PCDHA2: variants seen among roughly 807,000 people sequenced by gnomAD.
PCDHA2 encodes protocadherin alpha 2.
A neutral mutation model predicts 66.0 loss-of-function variants in PCDHA2; 58 were observed. The ratio of observed to expected loss-of-function variants is 0.88; its 90% CI spans 0.71 to 1.09. The LOEUF is 1.09. Among genes scored for constraint, PCDHA2 ranks in the 50% least tolerant of loss-of-function variants. The pLI is 0.00. For synonymous variants in PCDHA2, 634 were observed against 554.0 expected (o/e 1.14, Z -2.03); for missense variants, 1,267 against 1,242.3 (o/e 1.02, Z -0.30).
chr5:140,990,783 G>A (rs932115900), intron 3 of PCDHA2, among the ~76,000 whole-genome samples: 5 of 152,170 alleles, frequency 3.3e-5, no homozygotes, highest in African/African-American at 7.2e-5. Flanking sequence ...TGTGTTGGAC[G>A]ATGAACCATG....
chr5:140,862,675 G>C, intron 1 of PCDHA2: 1 of 550,422 alleles, frequency 1.8e-6, no homozygotes, highest in Non-Finnish European at 3.6e-6. Context: ...GCAGGAGAAC[G>C]TGCTGGTGTC....
intron 1 of PCDHA2, chr5:140,836,138 G>A (rs2150253717): frequency 6.2e-7 from 1 of 1,613,790 alleles, no homozygotes; most frequent in Middle Eastern, 1.6e-4. Flanking sequence ...CGCGGTCTGT[G>A]GGCGCGGGCC....
chr5:140,863,997 T>A (rs1186516549), intron 1 of PCDHA2: 1 of 152,666 alleles, frequency 6.6e-6, no homozygotes, highest in African/African-American at 2.4e-5. Context: ...TGAAACTCTG[T>A]CTTAAAAAAA....
chr5:140,865,920 G>A (rs1282584078), intron 1 of PCDHA2: 2 of 152,110 alleles, frequency 1.3e-5, no homozygotes, highest in African/African-American at 2.4e-5. Flanking sequence ...TTTCTGTTGT[G>A]CTTAGAAGAA....
rs184181496 is a variant in PCDHA2 at position 140,857,350 on chromosome 5, G to A, written c.2388+59998G>A. ...CGCGGGACGGGGGCTCGCCTCCGCTGTGGGCCACGGCCAGCGTGTCTGTGG... is the reference window on the plus strand; with the variant it reads ...CGCGGGACGGGGGCTCGCCTCCGCTATGGGCCACGGCCAGCGTGTCTGTGG... On this transcript the variant is annotated intron_variant, in intron 1 of 3. Coordinates refer to ENST00000526136, the MANE Select transcript of PCDHA2 (RefSeq NM_018905.3). 5 of 1,598,502 alleles carry A rather than the reference G, an allele frequency of 3.1e-6. 1 individual carries two copies. In the Admixed American group the frequency reaches 6.7e-5, roughly 22 times the overall value.
chr5:140,807,387 C>A (rs782494406), intron 1 of PCDHA2: 5 of 1,488,998 alleles, frequency 3.4e-6, no homozygotes, highest in African/African-American at 1.5e-5. Context: ...TTCCGGGTGG[C>A]GTCCAAGGGC....
chr5:140,938,797 G>A (rs76361474), intron 1 of PCDHA2, among the ~76,000 whole-genome samples: 2 of 151,926 alleles, frequency 1.3e-5, no homozygotes, highest in East Asian at 1.9e-4. Flanking sequence ...TGAAATAATC[G>A]GTACCACAAA....
At chr5:140,803,782 G>T (rs1763279994) in intron 1 of PCDHA2, 1 of 901,512 alleles carries the variant, frequency 1.1e-6, no homozygotes, top group Non-Finnish European at 1.6e-6. Flanking sequence ...TCAGCAGTAA[G>T]TTATGATATC....
chr5:140,817,562 C>A (rs1766158896), intron 1 of PCDHA2: 1 of 152,242 alleles, frequency 6.6e-6, no homozygotes, highest in Middle Eastern at 3.4e-3. Flanking sequence ...TGACTTATTA[C>A]CTCAATTAAA....
chr5:140,836,434 T>G (rs2150261046), intron 1 of PCDHA2: 2 of 1,613,832 alleles, frequency 1.2e-6, no homozygotes, highest in Admixed American at 1.7e-5. Flanking sequence ...CGGGCATCGT[T>G]GGGCATTGCA....
intron 1 of PCDHA2, chr5:140,884,384 G>C: frequency 6.2e-7 from 1 of 1,613,972 alleles, no homozygotes; most frequent in Non-Finnish European, 8.5e-7. Context: ...TGCCATCTGC[G>C]CGGTGTCCAG....
intron 1 of PCDHA2, chr5:140,829,510 C>T (rs2150169186): frequency 6.2e-7 from 1 of 1,613,546 alleles, no homozygotes; most frequent in Admixed American, 1.7e-5. Context: ...CGGGCTGCCA[C>T]ATCTTCACGG....
chr5:140,926,793 G>T (rs2083556626), intron 1 of PCDHA2: 2 of 1,444,034 alleles, frequency 1.4e-6, no homozygotes, highest in Admixed American at 5.5e-5. Flanking sequence ...CGGCAGGAGC[G>T]TGCTCTTCCC....
At chr5:140,807,710 A>G (rs782047750) in intron 1 of PCDHA2, 3 of 1,614,194 alleles carry the variant, frequency 1.9e-6, no homozygotes, top group African/African-American at 2.7e-5. Flanking sequence ...ACTGAGCCCA[A>G]ATGAATACTT....
At position 140,794,955 on chromosome 5, in the gene PCDHA2, A is replaced by ATTACCATT. The variant is rs1761895950; in HGVS notation, c.-10_-9insTTACCATT. On this transcript the variant is annotated 5_prime_UTR_variant, in exon 1 of 4. Coordinates refer to ENST00000526136, the MANE Select transcript of PCDHA2 (RefSeq NM_018905.3). The stretch of plus-strand genomic sequence containing the variant: ...CTCTTCTAATTTGATCAAAACATTG[A>ATTACCATT]GGATTGGTAATGGCGTCTTCTATCA... 3 of 1,597,060 alleles carry ATTACCATT rather than the reference A, an allele frequency of 1.9e-6. No individual in the cohort carries two copies. The East Asian group carries it at 6.7e-5, about 36-fold the overall frequency.
chr5:140,849,753 G>C (rs1294538786), intron 1 of PCDHA2: 1 of 1,598,398 alleles, frequency 6.3e-7, no homozygotes, highest in Non-Finnish European at 8.6e-7. Flanking sequence ...GAGTGTGTCC[G>C]CCTACGAGCT....
intron 1 of PCDHA2, chr5:140,869,914 G>A (rs782742972): frequency 6.2e-7 from 1 of 1,611,078 alleles, no homozygotes; most frequent in South Asian, 1.1e-5. Context: ...AGACCGAGAC[G>A]AAGGAGTCAA....
chr5:140,843,773 T>G (rs2150366556), intron 1 of PCDHA2: 2 of 1,456,190 alleles, frequency 1.4e-6, no homozygotes, highest in Non-Finnish European at 1.9e-6. Context: ...GTAGTTACTT[T>G]AAAAGTGTTT....
chr5:140,897,340 C>T, intron 1 of PCDHA2, among the ~76,000 whole-genome samples: 1 of 122,942 alleles, frequency 8.1e-6, no homozygotes, highest in Non-Finnish European at 1.6e-5. Context: ...CCCCTCCCCC[C>T]ACCCCACAAC....
Sources: gnomAD v4.1 joint callset for allele counts (sites outside exome capture counted in the v4.1 genomes callset) on GRCh38, gnomAD v4.1.1 for gene constraint, MANE v1.5 for transcripts, NCBI Gene and HGNC (gene_info 2026-07-23, HGNC 2026-07-21) for gene names.